AGBL4: variants seen among roughly 807,000 people sequenced by gnomAD.
AGBL4 encodes the protein AGBL carboxypeptidase 4.
In AGBL4, 58 loss-of-function variants were observed where a neutral mutation model predicts 66.4. The ratio of observed to expected loss-of-function variants is 0.87; its 90% CI spans 0.71 to 1.09. The LOEUF is 1.09. AGBL4 is among the 50% of genes least tolerant of loss of function. The probability of loss-of-function intolerance (pLI) is 0.00; values close to 1 mark genes in which losing one functional copy is unlikely to be tolerated. For missense variants in AGBL4, 579 were observed against 631.0 expected, an observed-to-expected ratio of 0.92 and a Z score of 0.88; for synonymous variants, 234 against 222.9, an observed-to-expected ratio of 1.05 and a Z score of -0.44.
At chr1:48,925,156 A>G (rs1409562517) in intron 5 of AGBL4, among the ~76,000 whole-genome samples, 3 of 151,222 alleles carry the variant, frequency 2.0e-5, no homozygotes, top group Non-Finnish European at 3.0e-5. Context: ...ACATACACAC[A>G]CACACACACA....
At chr1:49,258,833 C>A (rs1652808480) in intron 3 of AGBL4, among the ~76,000 whole-genome samples, 3 of 152,230 alleles carry the variant, frequency 2.0e-5, no homozygotes, top group Admixed American at 6.5e-5. Flanking sequence ...TTGAGAAGAG[C>A]AACTCCAAGA....
At chr1:49,551,474 T>G (rs920684680) in intron 3 of AGBL4, among the ~76,000 whole-genome samples, 2 of 152,230 alleles carry the variant, frequency 1.3e-5, no homozygotes, top group South Asian at 2.1e-4. Flanking sequence ...CAGATTCTTT[T>G]GTCCCACAGG....
At chr1:49,252,026 CCTT>C (rs1419765847) in intron 3 of AGBL4, among the ~76,000 whole-genome samples, 1 of 152,136 alleles carries the variant, frequency 6.6e-6, no homozygotes, top group Non-Finnish European at 1.5e-5. Flanking sequence ...GACCACATCA[CCTT>C]TCCAGCAAGC....
At chr1:48,580,600 G>A (rs748377458) in intron 11 of AGBL4, among the ~76,000 whole-genome samples, 1 of 152,176 alleles carries the variant, frequency 6.6e-6, no homozygotes, top group South Asian at 2.1e-4. Flanking sequence ...ATTAATTAGA[G>A]AACTTTTAAT....
chr1:48,613,999 G>T (rs928016799), intron 9 of AGBL4, among the ~76,000 whole-genome samples: 3 of 152,118 alleles, frequency 2.0e-5, no homozygotes, highest in Non-Finnish European at 4.4e-5. Flanking sequence ...AAATACATAA[G>T]AAATAATTAG....
intron 3 of AGBL4, among the ~76,000 whole-genome samples, chr1:49,560,408 G>A (rs1005602068): frequency 9.2e-5 from 14 of 151,948 alleles, no homozygotes; most frequent in African/African-American, 3.4e-4. Context: ...CTGAAGACAG[G>A]CTATTTAAAA....
intron 4 of AGBL4, among the ~76,000 whole-genome samples, chr1:49,212,425 G>A (rs1052766886): frequency 4.6e-5 from 7 of 152,026 alleles, no homozygotes; most frequent in Non-Finnish European, 7.4e-5. Flanking sequence ...GTCTATGATC[G>A]AGTCTGAACA....
At chr1:48,591,111 CACAT>C in intron 9 of AGBL4, 126 bp from the exon 10 acceptor site, 2 of 830,730 alleles carry the variant, frequency 2.4e-6, no homozygotes, top group Non-Finnish European at 3.5e-6. Context: ...CACACACACA[CACAT>C]CAAGCTGACC....
intron 3 of AGBL4, among the ~76,000 whole-genome samples, chr1:49,603,983 A>G (rs1352061624): frequency 5.6e-5 from 8 of 143,706 alleles, no homozygotes; most frequent in South Asian, 4.5e-4. Flanking sequence ...CACACACACC[A>G]CATTTTAGAT....
intron 3 of AGBL4, among the ~76,000 whole-genome samples, chr1:49,261,505 T>C (rs1239688623): frequency 2.0e-5 from 3 of 149,572 alleles, no homozygotes; most frequent in Admixed American, 6.6e-5. Flanking sequence ...AGCATTCTTA[T>C]ACACCAATAA....
chr1:49,399,016 G>A (rs1361296550), intron 3 of AGBL4, among the ~76,000 whole-genome samples: 5 of 151,892 alleles, frequency 3.3e-5, no homozygotes, highest in Non-Finnish European at 7.4e-5. Context: ...TGAGCCTCTG[G>A]TAACCATCCT....
intron 3 of AGBL4, among the ~76,000 whole-genome samples, chr1:49,565,451 C>T (rs369115885): frequency 1.3e-5 from 2 of 152,098 alleles, no homozygotes; most frequent in East Asian, 1.9e-4. Flanking sequence ...CTGGTTGTTC[C>T]CTTCCATGTT....
intron 1 of AGBL4, among the ~76,000 whole-genome samples, chr1:49,937,237 CA>C (rs1420936383): frequency 1.3e-5 from 2 of 151,930 alleles, no homozygotes; most frequent in Non-Finnish European, 2.9e-5. Context: ...TCAAAAGAGA[CA>C]AAAAAGGCCA....
rs565920703 is a variant in AGBL4, at chr1:50,008,294, A to T, written c.34+15469T>A. Among the ~76,000 whole-genome samples the T allele has an allele frequency of 1.7e-4, 26 of 152,352 alleles. No individual in the cohort carries two copies. In the South Asian group the frequency reaches 4.1e-3, roughly 24 times the overall value. ...CACAAAACAAGTCTTTAAAATTTTT[A>T]AAAAATAAAATTATATCAAGTATCT... On this transcript the variant is annotated intron_variant, in intron 1 of 13. Coordinates refer to ENST00000371839, the MANE Select transcript of AGBL4 (RefSeq NM_032785.4).
At chr1:48,902,168 C>T (rs774705709) in intron 5 of AGBL4, among the ~76,000 whole-genome samples, 1 of 152,196 alleles carries the variant, frequency 6.6e-6, no homozygotes, top group African/African-American at 2.4e-5. Flanking sequence ...TGGGTGGGGA[C>T]ACAGCCAAAC....
At chr1:48,629,484 T>G (rs990529895) in intron 9 of AGBL4, among the ~76,000 whole-genome samples, 1 of 152,188 alleles carries the variant, frequency 6.6e-6, no homozygotes, top group East Asian at 1.9e-4. Context: ...GTTCTAAAAC[T>G]GATATCTTTA....
chr1:49,752,983 C>G (rs1188499652), intron 2 of AGBL4, among the ~76,000 whole-genome samples: 1 of 152,170 alleles, frequency 6.6e-6, no homozygotes, highest in Non-Finnish European at 1.5e-5. Flanking sequence ...AGATGGGTCT[C>G]CTCAATACAG....
chr1:49,395,536 G>A (rs1644940296), intron 3 of AGBL4, among the ~76,000 whole-genome samples: 1 of 123,958 alleles, frequency 8.1e-6, no homozygotes, highest in South Asian at 2.8e-4. Context: ...AAACACTAGT[G>A]TGTGTGTGTG....
intron 2 of AGBL4, among the ~76,000 whole-genome samples, chr1:49,737,925 A>G (rs1650034820): frequency 6.6e-6 from 1 of 152,210 alleles, no homozygotes; most frequent in Non-Finnish European, 1.5e-5. Flanking sequence ...CTGCATTTCC[A>G]ACTGAGGTAC....
Sources: allele counts gnomAD v4.1 joint callset (sites outside exome capture counted in the v4.1 genomes callset), GRCh38; gene constraint gnomAD v4.1.1; transcripts MANE v1.5; gene names NCBI Gene and HGNC (gene_info 2026-07-23, HGNC 2026-07-21).